ANO3: variants seen among roughly 807,000 people sequenced by gnomAD.
The protein encoded by ANO3 is anoctamin 3.
ANO3 carries 99 observed loss-of-function variants against 144.8 expected under a neutral mutation model. The observed-to-expected ratio is 0.68, with a 90% confidence interval of 0.58 to 0.81. The LOEUF (loss-of-function observed/expected upper bound fraction) is 0.81. ANO3 is among the 30% of genes least tolerant of loss of function. The pLI, the probability that ANO3 is intolerant of heterozygous loss-of-function variation, is 0.00. For missense variants in ANO3, 905 were observed against 1,202.2 expected, an observed-to-expected ratio of 0.75 and a Z score of 3.66; for synonymous variants, 414 against 392.6, an observed-to-expected ratio of 1.05 and a Z score of -0.64.
At chr11:26,332,429 G>A in intron 1 of ANO3, 108 bp downstream of exon 1, 2 of 1,026,812 alleles carry the variant, frequency 1.9e-6, no homozygotes, top group South Asian at 1.4e-5. Flanking sequence ...ACAGAGGTGG[G>A]GAACTCTGTG....
At chr11:26,420,858 T>C (rs1333410415) in intron 1 of ANO3, among the ~76,000 whole-genome samples, 1 of 152,056 alleles carries the variant, frequency 6.6e-6, no homozygotes, top group East Asian at 1.9e-4. Flanking sequence ...TCTCTTACAA[T>C]GGGCATTATT....
At chr11:26,548,914 C>T (rs1383219743) in intron 12 of ANO3, among the ~76,000 whole-genome samples, 6 of 147,360 alleles carry the variant, frequency 4.1e-5, no homozygotes, top group Non-Finnish European at 8.9e-5. Context: ...ATCCGGGGCT[C>T]AGAAGAAAGG....
intron 1 of ANO3, among the ~76,000 whole-genome samples, chr11:26,221,192 G>C (rs34634213): frequency 0.3 from 46,294 of 152,148 alleles, 7,927 homozygotes; most frequent in Non-Finnish European, 0.37. Flanking sequence ...CTAAGATTTT[G>C]TCATGTGTAG....
Position 26,508,148 on chromosome 11 carries a change from T to G in ANO3, c.477T>G (p.Asp159Glu), listed in dbSNP as rs1554963352. Residue 159 changes from aspartate (D) to glutamate (E), a missense_variant, in exon 5 of 27, where the codon GAT becomes GAG. By Grantham distance (45) the Asp-to-Glu change is conservative. Around this residue, in one of 4 missense-constraint regions of ANO3, gnomAD observed 63 missense variants for 107.3 expected, o/e 0.59. Coordinates refer to ENST00000256737, the MANE Select transcript of ANO3 (RefSeq NM_031418.4). Reference sequence around the variant, plus strand: ...CATCCAGTGGACCTCTGTTCAAAGATGGCAAAAAGAGAATTGATTACATCT... The same window carrying G: ...CATCCAGTGGACCTCTGTTCAAAGAGGGCAAAAAGAGAATTGATTACATCT... ...YIASSGPLFK[D>E]GKKRIDYILV... 6.3e-7 allele frequency: 1 copy of G among 1,595,290 alleles called. No homozygotes were observed.
chr11:26,462,951 A>T (rs538014019), intron 3 of ANO3, 79 bp from the exon 4 acceptor site: 1 of 636,366 alleles, frequency 1.6e-6, no homozygotes, highest in African/African-American at 1.9e-5. Context: ...GAAAACATGA[A>T]AGAGGAGAGA....
chr11:26,332,026 C>A (rs555819790), upstream of ANO3: 11 of 1,188,114 alleles, frequency 9.3e-6, no homozygotes, highest in Admixed American at 2.9e-5. Context: ...GCACTGGACG[C>A]GCGGGGGATG....
intron 1 of ANO3, among the ~76,000 whole-genome samples, chr11:26,215,870 C>A (rs1352309982): frequency 6.6e-6 from 1 of 151,976 alleles, no homozygotes; most frequent in Non-Finnish European, 1.5e-5. Context: ...AATCTACTAT[C>A]CAATTATTTC....
intron 1 of ANO3, among the ~76,000 whole-genome samples, chr11:26,292,472 C>A (rs1442206212): frequency 6.6e-6 from 1 of 152,114 alleles, no homozygotes; most frequent in Non-Finnish European, 1.5e-5. Flanking sequence ...GAGGTGCGAT[C>A]CTTTGGAGGA....
intron 1 of ANO3, among the ~76,000 whole-genome samples, chr11:26,243,843 C>G (rs12281738): frequency 0.014 from 2,191 of 151,922 alleles, 40 homozygotes; most frequent in African/African-American, 0.05. Context: ...AAAATGAGGC[C>G]AGGTGCGGTG....
At chr11:26,477,607 G>A (rs1016111047) in intron 4 of ANO3, among the ~76,000 whole-genome samples, 11 of 152,022 alleles carry the variant, frequency 7.2e-5, no homozygotes, top group Non-Finnish European at 1.0e-4. Flanking sequence ...CTCTCTTAAC[G>A]GAGGGGGACA....
At chr11:26,328,872 A>G (rs757958018), upstream of ANO3, among the ~76,000 whole-genome samples, 3 of 152,198 alleles carry the variant, frequency 2.0e-5, no homozygotes, top group Non-Finnish European at 4.4e-5. Flanking sequence ...ATATGAAAGT[A>G]TAAAAAATAT....
At chr11:26,239,649 C>T (rs1196988009) in intron 1 of ANO3, among the ~76,000 whole-genome samples, 1 of 152,118 alleles carries the variant, frequency 6.6e-6, no homozygotes, top group Non-Finnish European at 1.5e-5. Context: ...ATTTTGCTTC[C>T]TTATTAACAC....
chr11:26,606,536 C>G (rs1565138331), intron 17 of ANO3, among the ~76,000 whole-genome samples: 1 of 151,642 alleles, frequency 6.6e-6, no homozygotes, highest in Admixed American at 6.6e-5. Context: ...GTGTTAAGGC[C>G]TCCCACTATT....
intron 14 of ANO3, among the ~76,000 whole-genome samples, chr11:26,562,276 C>T (rs1850324186): frequency 6.6e-6 from 1 of 151,894 alleles, no homozygotes; most frequent in Non-Finnish European, 1.5e-5. Flanking sequence ...TTATAATTTA[C>T]AGATTTGGTT....
intron 12 of ANO3, among the ~76,000 whole-genome samples, 160 bp from the exon 13 acceptor site, chr11:26,553,089 G>A (rs1044826000): frequency 6.7e-6 from 1 of 148,724 alleles, no homozygotes; most frequent in Admixed American, 6.7e-5. Context: ...TTGAATTGGA[G>A]TCACACCACA....
chr11:26,591,304 G>A (rs538265872), intron 14 of ANO3, among the ~76,000 whole-genome samples: 4 of 152,256 alleles, frequency 2.6e-5, no homozygotes, highest in African/African-American at 7.2e-5. Flanking sequence ...AGTAGGGGTC[G>A]TGCAGTTGAG....
chr11:26,443,340 G>T (rs1264399521), intron 2 of ANO3, among the ~76,000 whole-genome samples: 3 of 151,820 alleles, frequency 2.0e-5, no homozygotes, highest in Admixed American at 6.6e-5. Context: ...GATGGCTCAC[G>T]ACTGTAATCC....
intron 17 of ANO3, among the ~76,000 whole-genome samples, chr11:26,622,726 A>G (rs1251470877): frequency 6.6e-6 from 1 of 152,214 alleles, no homozygotes; most frequent in Admixed American, 6.5e-5. Context: ...TTGTCTCACT[A>G]CTAAGGTGCC....
At chr11:26,294,049 T>A (rs1394569400) in intron 1 of ANO3, among the ~76,000 whole-genome samples, 1 of 152,126 alleles carries the variant, frequency 6.6e-6, no homozygotes, top group East Asian at 1.9e-4. Context: ...ATGGTCTGTT[T>A]GGAGAGCTGC....
Sources: gnomAD v4.1 joint callset for allele counts (sites outside exome capture counted in the v4.1 genomes callset) on GRCh38, gnomAD v4.1.1 for gene constraint, gnomAD v4.1.1 regional missense constraint, MANE v1.5 for transcripts, NCBI Gene and HGNC (gene_info 2026-07-23, HGNC 2026-07-21) for gene names.